Variants in MDN1 observed in about 807,000 individuals in gnomAD.
MDN1 encodes midasin.
A neutral mutation model predicts 669.2 loss-of-function variants in MDN1; 266 were observed. The ratio of observed to expected loss-of-function variants is 0.40; its 90% CI spans 0.36 to 0.44. MDN1 has a LOEUF of 0.44. Among genes scored for constraint, MDN1 ranks in the 20% least tolerant of loss-of-function variants. The pLI is 1.00. For missense variants in MDN1, 5,940 were observed against 6,754.0 expected, an observed-to-expected ratio of 0.88 and a Z score of 4.22; for synonymous variants, 2,385 against 2,457.1, an observed-to-expected ratio of 0.97 and a Z score of 0.87.
At chr6:89,705,860 A>G (rs1366355681) in intron 53 of MDN1, among the ~76,000 whole-genome samples, 199 bp downstream of exon 53, 3 of 152,224 alleles carry the variant, frequency 2.0e-5, no homozygotes, top group African/African-American at 7.2e-5. Context: ...CTTTAAATAT[A>G]TGCAGTTTAT....
intron 15 of MDN1, among the ~76,000 whole-genome samples, chr6:89,763,154 T>TA (rs1442585415): frequency 1.5e-4 from 23 of 151,922 alleles, no homozygotes; most frequent in African/African-American, 5.6e-4. Flanking sequence ...TAGGGCATAA[T>TA]AAAAAACCAT....
At position 89,751,513 on chromosome 6, in the gene MDN1, C is replaced by G. The variant is rs1485373196; in HGVS notation, c.3145G>C (p.Glu1049Gln). 2 of 1,614,162 alleles carry G rather than the reference C, an allele frequency of 1.2e-6. No homozygotes were observed. Among genetic ancestry groups the G allele is most frequent in the Non-Finnish European group, 1.7e-6 (2 of 1,180,026 alleles). ...EGYWIAVGDKEPTIDETYILT... is the reference protein window; with the variant it reads ...EGYWIAVGDKQPTIDETYILT... Reference sequence around the variant, plus strand: ...ATGTACGTCTCATCTATTGTAGGCTCCTTGTCTCCCACCGCAATCCAGTAG... The same window carrying G: ...ATGTACGTCTCATCTATTGTAGGCTGCTTGTCTCCCACCGCAATCCAGTAG... Residue 1049 changes from glutamate to glutamine, a missense_variant, in exon 23 of 102, where the codon GAG (glutamate) becomes CAG (glutamine). Glu to Gln is a conservative substitution (Grantham distance 29). Coordinates refer to ENST00000369393, the MANE Select transcript of MDN1 (RefSeq NM_014611.3).
Position 89,743,273 on chromosome 6 carries a change from A to G in MDN1, c.4325T>C (p.Ile1442Thr), listed in dbSNP as rs776750074. 31 of 1,614,110 alleles carry G rather than the reference A, an allele frequency of 1.9e-5. No homozygotes were observed. The highest frequency in any genetic ancestry group is 2.5e-5 in the Non-Finnish European group (30 of 1,180,008). Residue 1442 changes from isoleucine to threonine, a missense_variant, in exon 31 of 102, where the codon ATT becomes ACT. Transcript: ENST00000369393. ...CCACTCAAAGAGTCTTGATGTGTCA[A>G]TTTCTTCCTATAATTTGAAAAAGTG... ...VRQKPNDKEE[I>T]DTSRLFEWHD...
chr6:89,722,870 C>A, intron 40 of MDN1, 85 bp downstream of exon 40: 4 of 1,064,742 alleles, frequency 3.8e-6, no homozygotes, highest in South Asian at 2.0e-5. Context: ...AAAAAAAAGG[C>A]TTGCAATTAG....
intron 9 of MDN1, among the ~76,000 whole-genome samples, chr6:89,781,875 C>G (rs1168203433): frequency 6.6e-6 from 1 of 152,146 alleles, no homozygotes; most frequent in Non-Finnish European, 1.5e-5. Context: ...GTCCCAGGTA[C>G]TCAGCAGGCT....
At chr6:89,656,597 A>T in intron 91 of MDN1, 103 bp downstream of exon 91, 1 of 947,608 alleles carries the variant, frequency 1.1e-6, no homozygotes, top group Non-Finnish European at 1.6e-6. Flanking sequence ...CAACAAAAAA[A>T]CCAGGAGTAT....
In MDN1 at chr6:89,718,943, G is replaced by C. The variant is rs746408217; in HGVS notation, c.6145C>G (p.Leu2049Val). Residue 2049 changes from leucine (L) to valine (V), a missense_variant, in exon 42 of 102, where the codon CTG becomes GTG. By Grantham distance (32) the Leu-to-Val change is conservative (BLOSUM62 1). Transcript: ENST00000369393. ...TGCACACACTTCATGATTGACTCCA[G>C]GGGTTGGAATGACTGGTGCAGGAGC... ...LLLLHQSFQP[L>V]ESIMKCVQMS... is the part of the protein sequence containing the mutation. 4 of 1,614,180 alleles carry C rather than the reference G, an allele frequency of 2.5e-6. No individual in the cohort carries two copies. The highest frequency in any genetic ancestry group is 1.1e-5 in the South Asian group (1 of 91,082).
intron 75 of MDN1, 59 bp from the exon 76 acceptor site, chr6:89,677,755 C>T: frequency 6.2e-7 from 1 of 1,607,432 alleles, no homozygotes; most frequent in African/African-American, 1.3e-5. Flanking sequence ...GGATGTGCCC[C>T]CCTCTCCCCT....
intron 1 of MDN1, among the ~76,000 whole-genome samples, chr6:89,812,018 G>A (rs974538471): frequency 5.3e-5 from 8 of 150,360 alleles, no homozygotes; most frequent in Non-Finnish European, 8.9e-5. Flanking sequence ...ATGGAGTCTC[G>A]CTCTATTGCC....
intron 7 of MDN1, among the ~76,000 whole-genome samples, chr6:89,788,921 CG>C (rs1248087936): frequency 6.6e-6 from 1 of 151,974 alleles, no homozygotes; most frequent in Non-Finnish European, 1.5e-5. Flanking sequence ...GTCAGGAGTT[CG>C]TGACCAGCCT....
intron 83 of MDN1, among the ~76,000 whole-genome samples, chr6:89,670,170 A>ATATATATTTTTTTTTT (rs1444537561): frequency 5.1e-4 from 12 of 23,400 alleles, no homozygotes; most frequent in Admixed American, 9.6e-4. Flanking sequence ...ATATATATAT[A>ATATATATTTTTTTTTT]TTTTTTTTTT....
In MDN1 at chr6:89,645,169, A is replaced by G. The variant is rs1408366471; in HGVS notation, c.16460-12T>C. On this transcript the variant is annotated splice_polypyrimidine_tract_variant and intron_variant, in intron 100 of 101. Transcript: ENST00000369393. Reference sequence around the variant, plus strand: ...GAGTTGTGCAGTTTCTGTAGACCATATAAGACGAAGCAAGGGAATAAAATG... The same window carrying G: ...GAGTTGTGCAGTTTCTGTAGACCATGTAAGACGAAGCAAGGGAATAAAATG... 8.2e-6 allele frequency: 13 copies of G among 1,580,192 alleles called. No individual in the cohort carries two copies. The highest frequency in any genetic ancestry group is 1.3e-5 in the African/African-American group (1 of 74,226).
At chr6:89,804,463 G>A (rs1454465162) in intron 1 of MDN1, among the ~76,000 whole-genome samples, 1 of 152,138 alleles carries the variant, frequency 6.6e-6, no homozygotes, top group African/African-American at 2.4e-5. Context: ...CGACTTATCT[G>A]AAAAATAATC....
At chr6:89,816,280 A>G (rs2128333207) in intron 1 of MDN1, among the ~76,000 whole-genome samples, 2 of 152,118 alleles carry the variant, frequency 1.3e-5, no homozygotes, top group Middle Eastern at 3.4e-3. Flanking sequence ...GGTGCCTGTA[A>G]TCCCGGCTAC....
chr6:89,656,941 C>T, intron 90 of MDN1, 140 bp from the exon 91 acceptor site: 1 of 689,336 alleles, frequency 1.5e-6, no homozygotes, highest in South Asian at 2.1e-5. Context: ...CCTGCCTGCC[C>T]TGGAACTCAC....
intron 35 of MDN1, among the ~76,000 whole-genome samples, chr6:89,730,402 G>A (rs1815512909): frequency 6.6e-6 from 1 of 152,164 alleles, no homozygotes; most frequent in African/African-American, 2.4e-5. Flanking sequence ...GTCTTTGCAA[G>A]CCACTTAAAA....
intron 31 of MDN1, 138 bp downstream of exon 31, chr6:89,743,011 GT>G (rs1462138256): frequency 9.8e-7 from 1 of 1,023,844 alleles, no homozygotes. Context: ...GAGCCCAGAA[GT>G]TTGAGGCTAC....
intron 85 of MDN1, among the ~76,000 whole-genome samples, chr6:89,663,890 C>A (rs1210803165): frequency 1.3e-5 from 2 of 150,532 alleles, no homozygotes; most frequent in African/African-American, 4.9e-5. Flanking sequence ...TGCAGTCAGC[C>A]GAGATTGCAC....
intron 23 of MDN1, among the ~76,000 whole-genome samples, chr6:89,750,997 T>A (rs1180738626): frequency 6.6e-6 from 1 of 152,140 alleles, no homozygotes; most frequent in Non-Finnish European, 1.5e-5. Context: ...TTTCCCCTTT[T>A]TACATTTCTG....
Sources: allele counts gnomAD v4.1 joint callset (sites outside exome capture counted in the v4.1 genomes callset), GRCh38; gene constraint gnomAD v4.1.1; transcripts MANE v1.5; gene names NCBI Gene and HGNC (gene_info 2026-07-23, HGNC 2026-07-21).